ACAT1: variants seen among roughly 807,000 people sequenced by gnomAD.
The protein encoded by ACAT1 is acetyl-CoA acetyltransferase 1.
Under a neutral mutation model 47.3 loss-of-function variants are expected in ACAT1, and 28 were observed. The ratio of observed to expected loss-of-function variants is 0.59; its 90% CI spans 0.44 to 0.81. The LOEUF is 0.81. ACAT1 is among the 30% of genes least tolerant of loss of function. The pLI is 0.00. For missense variants in ACAT1, 469 were observed against 524.3 expected, an observed-to-expected ratio of 0.89 and a Z score of 1.03; for synonymous variants, 181 against 173.6, an observed-to-expected ratio of 1.04 and a Z score of -0.34.
chr11:108,136,404 C>T (rs2077470177), intron 5 of ACAT1: 1 of 261,798 alleles, frequency 3.8e-6, no homozygotes, highest in South Asian at 1.6e-4. Flanking sequence ...TTAGACTTTC[C>T]AAAAATTGTG....
At position 108,144,021 on chromosome 11, in the gene ACAT1, A is replaced by G. The variant is rs150038447; in HGVS notation, c.979A>G (p.Ile327Val). Residue 327 changes from isoleucine (I) to valine (V), a missense_variant, in exon 10 of 12, where the codon ATT becomes GTT. Coordinates refer to ENST00000265838, the MANE Select transcript of ACAT1 (RefSeq NM_000019.4). Reference protein sequence around the residue: ...DAAVEPIDFPIAPVYAASMVL... With the variant: ...DAAVEPIDFPVAPVYAASMVL... Reference sequence around the variant, plus strand: ...TGCTGTAGAACCTATTGATTTTCCAATTGCTCCTGTATATGCTGCATCTAT... The same window carrying G: ...TGCTGTAGAACCTATTGATTTTCCAGTTGCTCCTGTATATGCTGCATCTAT... 618 of 1,366,260 alleles carry G rather than the reference A, an allele frequency of 4.5e-4. No homozygotes were observed. Among genetic ancestry groups the G allele is most frequent in the Non-Finnish European group, 5.8e-4 (593 of 1,025,970 alleles). 84.6% of individuals were successfully genotyped at this position (1,366,260 alleles called of 1,614,324 possible). A position where few individuals can be genotyped will look rare whatever the true frequency, so the allele number is the denominator to read the frequency against.
upstream of ACAT1, among the ~76,000 whole-genome samples, chr11:108,117,255 A>G (rs1864968046): frequency 3.3e-5 from 5 of 151,432 alleles, no homozygotes; most frequent in Admixed American, 2.6e-4. Context: ...GCAGTGAGTT[A>G]TGATCGCACC....
intron 5 of ACAT1, among the ~76,000 whole-genome samples, chr11:108,137,324 G>C (rs181785868): frequency 1.3e-5 from 2 of 152,288 alleles, no homozygotes; most frequent in African/African-American, 4.8e-5. Flanking sequence ...AGTTCCATGT[G>C]ACCTGAGGTA....
At chr11:108,126,700 C>G (rs1027439749) in intron 1 of ACAT1, among the ~76,000 whole-genome samples, 1 of 151,186 alleles carries the variant, frequency 6.6e-6, no homozygotes, top group African/African-American at 2.4e-5. Flanking sequence ...ACGCTGTTCA[C>G]AGTATCTGGA....
chr11:108,118,650 G>A (rs1255489826), upstream of ACAT1, among the ~76,000 whole-genome samples: 3 of 152,190 alleles, frequency 2.0e-5, no homozygotes, highest in Non-Finnish European at 4.4e-5. Flanking sequence ...GATTACAGGC[G>A]TGAGCCACCG....
intron 11 of ACAT1, 32 bp downstream of exon 11, chr11:108,146,391 AGAGCTGCC>A (rs775164202): frequency 4.3e-6 from 7 of 1,609,840 alleles, no homozygotes; most frequent in Non-Finnish European, 5.1e-6. Context: ...ATCTAGGTTA[AGAGCTGCC>A]TTTGTGTTTC....
chr11:108,120,152 G>A (rs912268721), upstream of ACAT1, among the ~76,000 whole-genome samples: 3 of 151,954 alleles, frequency 2.0e-5, no homozygotes, highest in Middle Eastern at 3.2e-3. Context: ...GTTGCAGTGA[G>A]TCAAGATCGC....
At chr11:108,138,859 T>C (rs2077523079) in intron 5 of ACAT1, 39 bp from the exon 6 acceptor site, 2 of 1,614,038 alleles carry the variant, frequency 1.2e-6, no homozygotes, top group Non-Finnish European at 8.5e-7. Flanking sequence ...TTGCAAAATA[T>C]TTGTATTAAC....
At chr11:108,133,745 A>T in intron 2 of ACAT1, 75 bp from the exon 3 acceptor site, 5 of 1,211,784 alleles carry the variant, frequency 4.1e-6, no homozygotes, top group East Asian at 2.4e-5. Flanking sequence ...TTTTTTGATA[A>T]TATATTTATG....
intron 9 of ACAT1, 42 bp from the exon 10 acceptor site, chr11:108,143,941 A>G: frequency 8.6e-7 from 1 of 1,163,466 alleles, no homozygotes; most frequent in Non-Finnish European, 1.3e-6. Flanking sequence ...ACAGTAAAAA[A>G]AAAAAGATTT....
At position 108,138,878 on chromosome 11, in the gene ACAT1, T is replaced by A. The variant is rs1375918039; in HGVS notation, c.436-20T>A. ...AAAATATTTGTATTAACATTGGGTTTTTCTGGTGTTTCTGCGCAGGATGTG... is the reference window on the plus strand; with the variant it reads ...AAAATATTTGTATTAACATTGGGTTATTCTGGTGTTTCTGCGCAGGATGTG... On this transcript the variant is annotated intron_variant, in intron 5 of 11. Transcript: ENST00000265838. 1 of 1,614,028 alleles carries A rather than the reference T, an allele frequency of 6.2e-7. No individual in the cohort carries two copies. Among genetic ancestry groups the A allele is most frequent in the East Asian group, 2.2e-5 (1 of 44,890 alleles).
chr11:108,143,401 G>C (rs1051981914), intron 9 of ACAT1: 1 of 152,130 alleles, frequency 6.6e-6, no homozygotes, highest in Non-Finnish European at 1.5e-5. Context: ...TATGGGATTA[G>C]GAGTCCAGAA....
intron 6 of ACAT1, among the ~76,000 whole-genome samples, chr11:108,139,585 T>G (rs1390382391): frequency 6.6e-6 from 1 of 151,306 alleles, no homozygotes; most frequent in Non-Finnish European, 1.5e-5. Context: ...AGAGTCAAAC[T>G]CCGTCTCAAA....
chr11:108,135,449 G>A (rs916374330), intron 5 of ACAT1, among the ~76,000 whole-genome samples: 31 of 152,052 alleles, frequency 2.0e-4, no homozygotes, highest in Non-Finnish European at 8.8e-5. Flanking sequence ...ATGTCTGTAA[G>A]CACTTTGGAA....
intron 1 of ACAT1, among the ~76,000 whole-genome samples, chr11:108,124,066 G>A (rs532603605): frequency 6.6e-6 from 1 of 152,278 alleles, no homozygotes; most frequent in Non-Finnish European, 1.5e-5. Flanking sequence ...GCCACTGGAA[G>A]GCACCAGTGG....
At chr11:108,146,099 T>A in intron 10 of ACAT1, 103 bp from the exon 11 acceptor site, 1 of 1,074,592 alleles carries the variant, frequency 9.3e-7, no homozygotes, top group Non-Finnish European at 1.4e-6. Flanking sequence ...AGAACTTCCA[T>A]ATTTAAATAA....
At chr11:108,135,000 C>T in intron 4 of ACAT1, 142 bp from the exon 5 acceptor site, 1 of 515,996 alleles carries the variant, frequency 1.9e-6, no homozygotes, top group South Asian at 2.4e-5. Flanking sequence ...GTTATTTAAG[C>T]TTAAATGAAA....
At chr11:108,138,449 T>G (rs1454585373) in intron 5 of ACAT1, among the ~76,000 whole-genome samples, 1 of 150,568 alleles carries the variant, frequency 6.6e-6, no homozygotes, top group African/African-American at 2.5e-5. Flanking sequence ...CAGGCTGGAG[T>G]GCAGTGGCAC....
intron 6 of ACAT1, 41 bp downstream of exon 6, chr11:108,139,082 A>C: frequency 6.2e-7 from 1 of 1,610,272 alleles, no homozygotes; most frequent in Non-Finnish European, 8.5e-7. Context: ...TCTAATGTCC[A>C]ATACTGTTTG....
Sources: gnomAD v4.1 joint callset for allele counts (sites outside exome capture counted in the v4.1 genomes callset) on GRCh38, gnomAD v4.1.1 for gene constraint, MANE v1.5 for transcripts, NCBI Gene and HGNC (gene_info 2026-07-23, HGNC 2026-07-21) for gene names.